PLCL1: variants seen among roughly 807,000 people sequenced by gnomAD.
PLCL1 encodes the protein inactive phospholipase C-like protein 1.
In PLCL1, 41 loss-of-function variants were observed where a neutral mutation model predicts 84.4. The ratio of observed to expected loss-of-function variants is 0.49; its 90% CI spans 0.38 to 0.63. The LOEUF (loss-of-function observed/expected upper bound fraction) is 0.63, where lower values mean the gene tolerates loss of function less well. PLCL1 is among the 30% of genes least tolerant of loss of function. The pLI is 0.00. For synonymous variants in PLCL1, 490 were observed against 488.3 expected, an observed-to-expected ratio of 1.00 and a Z score of -0.05; for missense variants, 1,206 against 1,367.8, an observed-to-expected ratio of 0.88 and a Z score of 1.87.
chr2:197,860,887 T>C (rs552159380), intron 1 of PLCL1, among the ~76,000 whole-genome samples: 1 of 152,358 alleles, frequency 6.6e-6, no homozygotes, highest in Admixed American at 6.5e-5. Context: ...ATCCCATTTG[T>C]CAATTTTTGC....
chr2:198,140,939 A>G (rs1694371954), intron 5 of PLCL1, among the ~76,000 whole-genome samples: 1 of 152,190 alleles, frequency 6.6e-6, no homozygotes. Context: ...TTAACTTTAT[A>G]TACAGTTACA....
chr2:198,087,984 T>G (rs1160097570), intron 2 of PLCL1, among the ~76,000 whole-genome samples: 2 of 152,180 alleles, frequency 1.3e-5, no homozygotes, highest in African/African-American at 4.8e-5. Context: ...TATCAGCATA[T>G]TCTATGTAAC....
At chr2:197,972,459 A>G (rs1689889607) in intron 1 of PLCL1, among the ~76,000 whole-genome samples, 2 of 152,224 alleles carry the variant, frequency 1.3e-5, no homozygotes, top group African/African-American at 4.8e-5. Flanking sequence ...CATGTCTGAC[A>G]GCATCAGAGA....
At chr2:197,808,188 G>T (rs1162626410) in intron 1 of PLCL1, among the ~76,000 whole-genome samples, 2 of 152,154 alleles carry the variant, frequency 1.3e-5, no homozygotes, top group Non-Finnish European at 2.9e-5. Context: ...TGTTTCAACA[G>T]CATTGACATT....
intron 1 of PLCL1, among the ~76,000 whole-genome samples, chr2:198,074,755 T>C (rs1692540026): frequency 6.6e-6 from 1 of 152,236 alleles, no homozygotes; most frequent in South Asian, 2.1e-4. Flanking sequence ...TCAGGAATGT[T>C]CGTGACATGA....
intron 1 of PLCL1, among the ~76,000 whole-genome samples, chr2:198,031,830 C>T (rs1192007876): frequency 6.6e-6 from 1 of 151,852 alleles, no homozygotes; most frequent in African/African-American, 2.4e-5. Flanking sequence ...CTTAATATTA[C>T]TTGTTACTAT....
At chr2:197,908,150 T>C (rs1024148929) in intron 1 of PLCL1, among the ~76,000 whole-genome samples, 2 of 152,144 alleles carry the variant, frequency 1.3e-5, no homozygotes, top group African/African-American at 2.4e-5. Context: ...ATAGCAAAAA[T>C]AGACATGCTG....
chr2:198,012,580 A>G (rs1174639844), intron 1 of PLCL1, among the ~76,000 whole-genome samples: 1 of 151,950 alleles, frequency 6.6e-6, no homozygotes, highest in Non-Finnish European at 1.5e-5. Flanking sequence ...CTGATAGGGA[A>G]GGACTTACTA....
In PLCL1 at chr2:197,912,329, C is replaced by CT. The variant is rs1688497911; in HGVS notation, c.240+106994dup. Among the ~76,000 whole-genome samples the CT allele has an allele frequency of 4.6e-5, 7 of 151,146 alleles. No homozygotes were observed. The South Asian group carries it at 1.3e-3, about 27-fold the overall frequency. Reference sequence around the variant, plus strand: ...GAGAGGATGTGGAGAAATAGGAACACTTTTACACTGTTGGTGGGACTGTAA... The same window carrying CT: ...GAGAGGATGTGGAGAAATAGGAACACTTTTTACACTGTTGGTGGGACTGTAA... On this transcript the variant is annotated intron_variant, in intron 1 of 5. Transcript: ENST00000428675.
intron 1 of PLCL1, among the ~76,000 whole-genome samples, chr2:197,817,279 CT>C (rs754797151): frequency 6.6e-6 from 1 of 151,958 alleles, no homozygotes; most frequent in African/African-American, 2.4e-5. Context: ...ACCTAAAAAA[CT>C]TTTTTTCCTC....
chr2:197,976,532 T>A (rs1438839941), intron 1 of PLCL1, among the ~76,000 whole-genome samples: 1 of 152,196 alleles, frequency 6.6e-6, no homozygotes, highest in Non-Finnish European at 1.5e-5. Context: ...CACTGCAACC[T>A]CTGCCTCCTG....
intron 1 of PLCL1, among the ~76,000 whole-genome samples, chr2:198,021,181 A>G (rs916818515): frequency 6.6e-6 from 1 of 152,220 alleles, no homozygotes; most frequent in African/African-American, 2.4e-5. Flanking sequence ...GCAGAAATAA[A>G]TAAGTTCTTT....
At chr2:198,050,516 G>A (rs1691902008) in intron 1 of PLCL1, among the ~76,000 whole-genome samples, 1 of 141,400 alleles carries the variant, frequency 7.1e-6, no homozygotes, top group East Asian at 2.0e-4. Flanking sequence ...ATCATTTTGG[G>A]AACCTTGAGA....
At chr2:197,981,264 C>G (rs1690098817) in intron 1 of PLCL1, among the ~76,000 whole-genome samples, 1 of 152,040 alleles carries the variant, frequency 6.6e-6, no homozygotes, top group African/African-American at 2.4e-5. Flanking sequence ...GGAATTTTAC[C>G]TCATTTGTAC....
chr2:197,906,936 T>C (rs983931639), intron 1 of PLCL1, among the ~76,000 whole-genome samples: 1 of 152,218 alleles, frequency 6.6e-6, no homozygotes, highest in African/African-American at 2.4e-5. Context: ...TTTGCTGAAG[T>C]TGCTTATCAG....
Position 198,085,838 on chromosome 2 carries a change from A to G in PLCL1, c.2321A>G (p.Asp774Gly). ...ACTAAAACTGTACAGCAAAACAGTG[A>G]TAATCCTATTTTTGATGAAACTTTT... ...QRTKTVQQNS[D>G]NPIFDETFEF... is the part of the protein sequence containing the mutation. Residue 774 changes from aspartate (D) to glycine (G), a missense_variant, in exon 2 of 6, where the codon GAT becomes GGT. Coordinates refer to ENST00000428675, the MANE Select transcript of PLCL1 (RefSeq NM_006226.4). This position sits in a 1 kb window ranked among gnomAD's most constrained non-coding sequence, Gnocchi z 5.3. 1 of 1,614,192 alleles carries G rather than the reference A, an allele frequency of 6.2e-7. No homozygotes were observed. Among genetic ancestry groups the G allele is most frequent in the Non-Finnish European group, 8.5e-7 (1 of 1,180,016 alleles).
At chr2:198,007,317 G>A (rs1438877766) in intron 1 of PLCL1, among the ~76,000 whole-genome samples, 2 of 152,004 alleles carry the variant, frequency 1.3e-5, no homozygotes, top group African/African-American at 4.8e-5. Flanking sequence ...GAGTCAAAAT[G>A]TGTTTTAACC....
At chr2:197,903,506 C>T (rs866057034) in intron 1 of PLCL1, among the ~76,000 whole-genome samples, 37 of 56,300 alleles carry the variant, frequency 6.6e-4, no homozygotes, top group Admixed American at 1.5e-3. Flanking sequence ...TTTTTTGAGA[C>T]GGAGTCTCGC....
intron 1 of PLCL1, among the ~76,000 whole-genome samples, chr2:197,827,196 GT>G (rs1690948012): frequency 6.6e-6 from 1 of 152,112 alleles, no homozygotes; most frequent in Non-Finnish European, 1.5e-5. Context: ...TTCCTTAAAA[GT>G]TTTTGATGAC....
Sources: gnomAD v4.1 joint callset for allele counts (sites outside exome capture counted in the v4.1 genomes callset) on GRCh38, gnomAD v4.1.1 for gene constraint, Gnocchi (gnomAD v3.1) non-coding constraint, MANE v1.5 for transcripts, NCBI Gene and HGNC (gene_info 2026-07-23, HGNC 2026-07-21) for gene names.